The following CHST11 variants were observed in gnomAD, a reference collection of about 807,000 sequenced individuals.
CHST11 encodes C4S-1.
CHST11 carries 9 observed loss-of-function variants against 30.4 expected under a neutral mutation model. The ratio of observed to expected loss-of-function variants is 0.30; its 90% CI spans 0.18 to 0.52. The LOEUF (loss-of-function observed/expected upper bound fraction) is 0.52, where lower values mean the gene tolerates loss of function less well. CHST11 is among the 20% of genes least tolerant of loss of function. The pLI, the probability that CHST11 is intolerant of heterozygous loss-of-function variation, is 0.97. For synonymous variants in CHST11, 152 were observed against 187.8 expected, an observed-to-expected ratio of 0.81 and a Z score of 1.56; for missense variants, 348 against 460.6, an observed-to-expected ratio of 0.76 and a Z score of 2.24.
chr12:104,568,477 G>A (rs976340445), intron 1 of CHST11, among the ~76,000 whole-genome samples: 1 of 152,182 alleles, frequency 6.6e-6, no homozygotes, highest in Non-Finnish European at 1.5e-5. Context: ...TGAGCTGTAG[G>A]TCAGCAACTT....
At chr12:104,544,875 G>A (rs1815346856) in intron 1 of CHST11, among the ~76,000 whole-genome samples, 1 of 147,926 alleles carries the variant, frequency 6.8e-6, no homozygotes, top group Non-Finnish European at 1.5e-5. Context: ...AATTTATATA[G>A]GGTGGATGTT....
At chr12:104,573,287 A>C (rs2136025632) in intron 1 of CHST11, among the ~76,000 whole-genome samples, 1 of 152,310 alleles carries the variant, frequency 6.6e-6, no homozygotes, top group African/African-American at 2.4e-5. Context: ...ATACTGCCCA[A>C]GGTAAGTTAT....
chr12:104,500,605 G>A (rs2037844272), intron 1 of CHST11, among the ~76,000 whole-genome samples: 1 of 152,202 alleles, frequency 6.6e-6, no homozygotes, highest in Non-Finnish European at 1.5e-5. Context: ...CAAGGGATTT[G>A]TGAACACAGT....
At chr12:104,522,773 C>T (rs182398846) in intron 1 of CHST11, among the ~76,000 whole-genome samples, 10 of 152,222 alleles carry the variant, frequency 6.6e-5, no homozygotes, top group Admixed American at 4.6e-4. Context: ...TGAATCACTG[C>T]GCCTGGTCCT....
intron 2 of CHST11, among the ~76,000 whole-genome samples, chr12:104,651,935 A>C (rs1439323622): frequency 1.3e-5 from 2 of 152,098 alleles, no homozygotes; most frequent in Non-Finnish European, 2.9e-5. Context: ...TAGAGTTAAC[A>C]TTTCGTTCTC....
chr12:104,528,565 G>A (rs1429423841), intron 1 of CHST11, among the ~76,000 whole-genome samples: 1 of 152,226 alleles, frequency 6.6e-6, no homozygotes, highest in Non-Finnish European at 1.5e-5. Flanking sequence ...TGGGTGGCCA[G>A]TGCTGTTCTT....
At chr12:104,484,602 C>G (rs531733364) in intron 1 of CHST11, among the ~76,000 whole-genome samples, 98 of 152,196 alleles carry the variant, frequency 6.4e-4, no homozygotes, top group Non-Finnish European at 1.1e-3. Context: ...TGAACTAATG[C>G]AGGGTAAGTG....
intron 1 of CHST11, among the ~76,000 whole-genome samples, chr12:104,585,469 G>T (rs995625963): frequency 2.6e-5 from 4 of 152,200 alleles, no homozygotes; most frequent in Admixed American, 2.0e-4. Flanking sequence ...TTAGAAATGG[G>T]AACTAATTAT....
At chr12:104,634,221 G>C (rs7299035) in intron 2 of CHST11, among the ~76,000 whole-genome samples, 10,061 of 152,162 alleles carry the variant, frequency 0.066, 621 homozygotes, top group African/African-American at 0.16. Context: ...TATCTGTCTC[G>C]TTCACAGTAC....
intron 1 of CHST11, among the ~76,000 whole-genome samples, chr12:104,466,374 C>CT (rs2037458690): frequency 1.3e-5 from 2 of 152,218 alleles, no homozygotes; most frequent in African/African-American, 4.8e-5. Context: ...GCTACACCCT[C>CT]TGATACTGTG....
chr12:104,490,489 G>T (rs1254149911), intron 1 of CHST11, among the ~76,000 whole-genome samples: 5 of 152,228 alleles, frequency 3.3e-5, no homozygotes, highest in African/African-American at 9.6e-5. Flanking sequence ...TGTAGGCAAT[G>T]TGAGTTTATC....
intron 2 of CHST11, among the ~76,000 whole-genome samples, chr12:104,691,219 C>A (rs760108693): frequency 6.6e-6 from 1 of 152,152 alleles, no homozygotes; most frequent in South Asian, 2.1e-4. Flanking sequence ...GTTGGTTCAG[C>A]CCGTTCTGAA....
intron 2 of CHST11, among the ~76,000 whole-genome samples, chr12:104,711,015 T>C (rs541877954): frequency 6.6e-6 from 1 of 152,336 alleles, no homozygotes; most frequent in South Asian, 2.1e-4. Flanking sequence ...GAGCATCTAG[T>C]ATATTTTGAT....
chr12:104,463,873 G>A (rs184258712), intron 1 of CHST11, among the ~76,000 whole-genome samples: 4 of 152,288 alleles, frequency 2.6e-5, no homozygotes, highest in African/African-American at 7.2e-5. Flanking sequence ...GCCCAGAGCA[G>A]AGGGACGGAG....
chr12:104,556,946 G>A (rs370769321), intron 1 of CHST11, among the ~76,000 whole-genome samples: 16 of 144,402 alleles, frequency 1.1e-4, no homozygotes, highest in Admixed American at 4.3e-4. Context: ...GCACCATTGC[G>A]CTCCAGCCTG....
At chr12:104,619,072 G>T (rs754109979) in intron 2 of CHST11, among the ~76,000 whole-genome samples, 1 of 152,226 alleles carries the variant, frequency 6.6e-6, no homozygotes, top group African/African-American at 2.4e-5. Flanking sequence ...AATGCACAGT[G>T]AAGACCATCC....
At chr12:104,674,114 C>T (rs2039719780) in intron 2 of CHST11, among the ~76,000 whole-genome samples, 1 of 152,212 alleles carries the variant, frequency 6.6e-6, no homozygotes. Context: ...GGTCCCAGAG[C>T]AGGATTTTTT....
intron 1 of CHST11, among the ~76,000 whole-genome samples, chr12:104,485,012 A>C (rs2037662934): frequency 6.6e-6 from 1 of 152,026 alleles, no homozygotes; most frequent in South Asian, 2.1e-4. Flanking sequence ...AGAATTAGGG[A>C]GGTAGGGGCA....
intron 2 of CHST11, among the ~76,000 whole-genome samples, chr12:104,733,316 G>A (rs2040272507): frequency 6.6e-6 from 1 of 152,222 alleles, no homozygotes; most frequent in African/African-American, 2.4e-5. Flanking sequence ...TTTCCCCATG[G>A]CATGGAAGAA....
Sources: gnomAD v4.1 joint callset for allele counts (sites outside exome capture counted in the v4.1 genomes callset) on GRCh38, gnomAD v4.1.1 for gene constraint, MANE v1.5 for transcripts, NCBI Gene and HGNC (gene_info 2026-07-23, HGNC 2026-07-21) for gene names.